The following PPP2R2D variants were observed in gnomAD, a reference collection of about 807,000 sequenced individuals.
PPP2R2D encodes the protein serine/threonine-protein phosphatase 2A 55 kDa regulatory subunit B delta isoform.
PPP2R2D carries 9 observed loss-of-function variants against 31.1 expected under a neutral mutation model. That is an observed-to-expected ratio of 0.29 (90% confidence interval 0.17 to 0.51). PPP2R2D has a LOEUF of 0.51. Ranked by LOEUF, PPP2R2D falls within the 20% of genes least tolerant of loss-of-function variation. PPP2R2D has a pLI of 0.98. For synonymous variants in PPP2R2D, 179 were observed against 172.6 expected (o/e 1.04, Z -0.29); for missense variants, 391 against 465.6 (o/e 0.84, Z 1.48).
intron 3 of PPP2R2D, 118 bp downstream of exon 3, chr10:131,934,673 C>T: frequency 1.5e-6 from 1 of 684,180 alleles, no homozygotes; most frequent in South Asian, 1.6e-5. Context: ...TCAGTTCCAT[C>T]ACATTAGCCA....
At chr10:131,915,026 CCGGTTTTCTGGAATTTTAATG>C (rs2119762519) in intron 2 of PPP2R2D, among the ~76,000 whole-genome samples, 1 of 152,026 alleles carries the variant, frequency 6.6e-6, no homozygotes, top group Non-Finnish European at 1.5e-5. Context: ...CTGTTGTGCT[CCGGTTTTCTGGAATTTTAATG>C]GTTTTAGGCT....
At chr10:131,907,853 T>G (rs2035622660) in intron 2 of PPP2R2D, among the ~76,000 whole-genome samples, 1 of 152,098 alleles carries the variant, frequency 6.6e-6, no homozygotes, top group African/African-American at 2.4e-5. Context: ...GTTTACAAGA[T>G]ATGTGGTGGT....
intron 2 of PPP2R2D, among the ~76,000 whole-genome samples, chr10:131,932,646 C>CAAAAAAAAAAAAAAAAAAAAA (rs368610703): frequency 8.6e-5 from 5 of 57,860 alleles, no homozygotes; most frequent in Admixed American, 2.5e-4. Flanking sequence ...CAGCCTGTCT[C>CAAAAAAAAAAAAAAAAAAAAA]AAAAAAAAAA....
intron 2 of PPP2R2D, among the ~76,000 whole-genome samples, chr10:131,913,265 A>G (rs2035714165): frequency 6.6e-6 from 1 of 150,804 alleles, no homozygotes; most frequent in Non-Finnish European, 1.5e-5. Context: ...TCCTGAGCTC[A>G]AGTGATCCGC....
intron 2 of PPP2R2D, among the ~76,000 whole-genome samples, chr10:131,906,493 T>G (rs942120652): frequency 6.6e-6 from 1 of 152,228 alleles, no homozygotes; most frequent in Non-Finnish European, 1.5e-5. Flanking sequence ...AACATAGATA[T>G]CTGGTTAATC....
intron 2 of PPP2R2D, among the ~76,000 whole-genome samples, chr10:131,903,273 C>T (rs955512328): frequency 6.6e-6 from 1 of 151,884 alleles, no homozygotes; most frequent in African/African-American, 2.4e-5. Context: ...TTGAGACCAG[C>T]CTGGCCAACA....
At chr10:131,909,415 C>G (rs964676750) in intron 2 of PPP2R2D, among the ~76,000 whole-genome samples, 5 of 150,606 alleles carry the variant, frequency 3.3e-5, no homozygotes, top group Non-Finnish European at 5.9e-5. Context: ...TAGGAAGTTA[C>G]TGCAATAATA....
chr10:131,905,838 C>T (rs2035573581), intron 2 of PPP2R2D, among the ~76,000 whole-genome samples: 2 of 152,246 alleles, frequency 1.3e-5, no homozygotes. Flanking sequence ...GATGAAGCCC[C>T]ACTGTGGCAT....
chr10:131,902,127 C>T (rs1295434454), intron 2 of PPP2R2D, among the ~76,000 whole-genome samples: 2 of 152,198 alleles, frequency 1.3e-5, no homozygotes, highest in Admixed American at 6.5e-5. Flanking sequence ...AGCTATGTAG[C>T]TTTCCTTTTT....
chr10:131,951,050 A>G (rs2036626831), intron 8 of PPP2R2D, among the ~76,000 whole-genome samples: 1 of 152,258 alleles, frequency 6.6e-6, no homozygotes, highest in South Asian at 2.1e-4. Flanking sequence ...CAACTCAGAA[A>G]AGAGCAAAAA....
intron 2 of PPP2R2D, among the ~76,000 whole-genome samples, chr10:131,932,147 G>A (rs553226350): frequency 2.6e-5 from 4 of 152,138 alleles, no homozygotes; most frequent in East Asian, 1.9e-4. Context: ...GACACTTTGC[G>A]GATTTGATGG....
chr10:131,934,608 T>C (rs1049720738), intron 3 of PPP2R2D, 53 bp downstream of exon 3: 3 of 760,690 alleles, frequency 3.9e-6, no homozygotes, highest in African/African-American at 1.7e-5. Context: ...CTTTCGCATA[T>C]AACTTAGAAG....
In PPP2R2D at chr10:131,947,164, C is replaced by T. The variant is rs898723300; in HGVS notation, c.821-366C>T. On this transcript the variant is annotated intron_variant, in intron 7 of 8. Coordinates refer to ENST00000455566, the MANE Select transcript of PPP2R2D (RefSeq NM_018461.5). The surrounding 1 kb of genome is among the most constrained non-coding windows in gnomAD (Gnocchi z 4.3). ...GTGCCATGAGGACGCGGAGACACTC[C>T]TACAGGAATGCGGTGGTGCTGAACC... 2.0e-5 allele frequency among the ~76,000 whole-genome samples: 3 copies of T among 152,196 alleles called. No homozygotes were observed. Among genetic ancestry groups the T allele is most frequent in the African/African-American group, 7.2e-5 (3 of 41,456 alleles).
chr10:131,907,743 CA>C (rs36197827), intron 2 of PPP2R2D, among the ~76,000 whole-genome samples: 16,677 of 113,482 alleles, frequency 0.15, 1,033 homozygotes, highest in East Asian at 0.37. Context: ...GACTCCATAT[CA>C]AAAAAAAAAA....
At chr10:131,929,949 C>T (rs1554895453) in intron 2 of PPP2R2D, among the ~76,000 whole-genome samples, 4 of 152,144 alleles carry the variant, frequency 2.6e-5, no homozygotes, top group African/African-American at 7.2e-5. Context: ...CTTTTCATTC[C>T]GTGGTTTCGA....
At chr10:131,914,424 G>A (rs2035737688) in intron 2 of PPP2R2D, among the ~76,000 whole-genome samples, 1 of 152,174 alleles carries the variant, frequency 6.6e-6, no homozygotes, top group Non-Finnish European at 1.5e-5. Context: ...TTTCTGGAAG[G>A]AGTGTCTGTA....
chr10:131,953,899 A>G (rs1564827047), intron 8 of PPP2R2D, among the ~76,000 whole-genome samples: 1 of 152,186 alleles, frequency 6.6e-6, no homozygotes, highest in South Asian at 2.1e-4. Flanking sequence ...AAGAACATCT[A>G]AAAGCGTTCC....
At position 131,945,536 on chromosome 10, in the gene PPP2R2D, G is replaced by A. The variant is rs782334716; in HGVS notation, c.820+77G>A. 1.7e-5 allele frequency: 26 copies of A among 1,489,070 alleles called. No individual in the cohort carries two copies. The highest frequency in any genetic ancestry group is 7.0e-5 in the African/African-American group (5 of 71,940). The allele number at this position is 1,489,070 out of a possible 1,614,324, so 92.2% of individuals were successfully genotyped here. ...GTGCAGTGACACAGTCTCGGCTCAC[G>A]GCAAGCTCCGCCTCCCGGGTTCCAG... On this transcript the variant is annotated intron_variant, in intron 7 of 8. Transcript: ENST00000455566. This position sits in a 1 kb window ranked among gnomAD's most constrained non-coding sequence, Gnocchi z 4.8.
At chr10:131,938,170 C>A (rs896660880) in intron 3 of PPP2R2D, among the ~76,000 whole-genome samples, 1 of 152,204 alleles carries the variant, frequency 6.6e-6, no homozygotes, top group South Asian at 2.1e-4. Flanking sequence ...TGCAGCAGTG[C>A]GGGTGTGGGT....
Sources: allele counts gnomAD v4.1 joint callset (sites outside exome capture counted in the v4.1 genomes callset), GRCh38; gene constraint gnomAD v4.1.1; non-coding constraint Gnocchi (gnomAD v3.1); transcripts MANE v1.5; gene names NCBI Gene and HGNC (gene_info 2026-07-23, HGNC 2026-07-21).